The following HDHD5 variants were observed in gnomAD, a reference collection of about 807,000 sequenced individuals.
HDHD5 encodes the protein haloacid dehalogenase-like hydrolase domain-containing 5.
In HDHD5, 34 loss-of-function variants were observed where a neutral mutation model predicts 35.5. The ratio of observed to expected loss-of-function variants is 0.96; its 90% CI spans 0.73 to 1.28. The LOEUF is 1.28. HDHD5 is among the 50% of genes most tolerant of loss of function. The pLI, the probability that HDHD5 is intolerant of heterozygous loss-of-function variation, is 0.00. For synonymous variants in HDHD5, 248 were observed against 240.6 expected, an observed-to-expected ratio of 1.03 and a Z score of -0.29; for missense variants, 589 against 560.2, an observed-to-expected ratio of 1.05 and a Z score of -0.52.
chr22:17,150,344 T>C (rs558156466), intron 1 of HDHD5, among the ~76,000 whole-genome samples: 1 of 152,282 alleles, frequency 6.6e-6, no homozygotes, highest in South Asian at 2.1e-4. Flanking sequence ...ACAGACAATA[T>C]AAAAATGTTT....
chr22:17,148,478 C>G lies in HDHD5; in HGVS notation c.413G>C (p.Gly138Ala). The part of the protein sequence containing the change: ...EYHEKRMLVS[G>A]QGPVMENAQG... Reference sequence around the variant, plus strand: ...GGCATTTTCCATCACGGGCCCCTGTCCAGACACCAGCATCCGCTTCTCATG... The same window carrying G: ...GGCATTTTCCATCACGGGCCCCTGTGCAGACACCAGCATCCGCTTCTCATG... Residue 138 changes from glycine (G) to alanine (A), a missense_variant, in exon 3 of 8, where the codon GGA becomes GCA. Gly to Ala is a moderately conservative substitution (Grantham distance 60). Transcript: ENST00000336737. The G allele has an allele frequency of 6.2e-7, 1 of 1,614,160 alleles. No homozygotes were observed. Among genetic ancestry groups the G allele is most frequent in the Non-Finnish European group, 8.5e-7 (1 of 1,180,028 alleles).
At chr22:17,162,767 TC>T (rs2061871529), upstream of HDHD5, among the ~76,000 whole-genome samples, 2 of 152,234 alleles carry the variant, frequency 1.3e-5, no homozygotes, top group Non-Finnish European at 2.9e-5. Flanking sequence ...AGTTTGCACT[TC>T]CAGGAACAAG....
rs1207860792 is a variant in HDHD5 at position 17,156,558 on chromosome 22, C to T, written c.126+2568G>A. On this transcript the variant is annotated intron_variant, in intron 1 of 7. Transcript: ENST00000336737. ...TTGCAAGGCCAAGGAGGGCAGATCA[C>T]GAGGTTAGGAGATCGAGACCATCTT... Among the ~76,000 whole-genome samples, 5 of 152,108 alleles carry T rather than the reference C, an allele frequency of 3.3e-5. No homozygotes were observed. In the East Asian group the frequency reaches 5.8e-4, roughly 18 times the overall value.
upstream of HDHD5, among the ~76,000 whole-genome samples, chr22:17,163,421 G>T (rs1406029861): frequency 6.6e-6 from 1 of 152,122 alleles, no homozygotes; most frequent in Non-Finnish European, 1.5e-5. Context: ...AGCTCCCCAG[G>T]ATGCTCATGC....
intron 6 of HDHD5, among the ~76,000 whole-genome samples, chr22:17,138,946 A>G (rs1320785335): frequency 2.0e-5 from 3 of 152,184 alleles, no homozygotes; most frequent in Non-Finnish European, 2.9e-5. Context: ...CTATTTGTAA[A>G]ACGAGGAAAC....
intron 1 of HDHD5, among the ~76,000 whole-genome samples, chr22:17,150,134 C>G (rs1366262479): frequency 6.6e-6 from 1 of 152,072 alleles, no homozygotes; most frequent in African/African-American, 2.4e-5. Context: ...CACTTTAAAA[C>G]AACCAATTAA....
At chr22:17,140,986 C>T in intron 6 of HDHD5, 73 bp downstream of exon 6, 1 of 1,392,378 alleles carries the variant, frequency 7.2e-7, no homozygotes, top group East Asian at 2.7e-5. Context: ...CGGATGGGAA[C>T]TGCCTGCAGG....
chr22:17,152,287 C>G (rs2061735295), intron 1 of HDHD5, among the ~76,000 whole-genome samples: 1 of 33,452 alleles, frequency 3.0e-5, no homozygotes, highest in African/African-American at 1.9e-4. Context: ...AGGGAGTTAA[C>G]TGAAAGACCA....
chr22:17,157,085 T>TACACATACACACACACACACAC (rs1555881522), intron 1 of HDHD5, among the ~76,000 whole-genome samples: 1 of 143,680 alleles, frequency 7.0e-6, no homozygotes, highest in Non-Finnish European at 1.5e-5. Context: ...CTCACACACA[T>TACACATACACACACACACACAC]ACACACACAC....
intron 1 of HDHD5, among the ~76,000 whole-genome samples, chr22:17,158,108 G>A (rs1005140058): frequency 6.6e-6 from 1 of 152,166 alleles, no homozygotes; most frequent in South Asian, 2.1e-4. Context: ...ATCATCTGAG[G>A]TCAAAAGTTC....
At chr22:17,138,497 AG>A (rs2123843383) in intron 7 of HDHD5, 52 bp downstream of exon 7, 1 of 1,575,978 alleles carries the variant, frequency 6.3e-7, no homozygotes, top group South Asian at 1.1e-5. Flanking sequence ...GTAGAGGAGG[AG>A]GGAGAGAAGG....
At position 17,152,322 on chromosome 22, in the gene HDHD5, C is replaced by G. The variant is rs535101508; in HGVS notation, c.127-2577G>C. On this transcript the variant is annotated intron_variant, in intron 1 of 7. Coordinates refer to ENST00000336737, the MANE Select transcript of HDHD5 (RefSeq NM_033070.3). Reference sequence around the variant, plus strand: ...AGGTGGGACCAAATGCAACCCAAGACAGAGAAGATGGAGCATTTACCTGGG... The same window carrying G: ...AGGTGGGACCAAATGCAACCCAAGAGAGAGAAGATGGAGCATTTACCTGGG... Among the ~76,000 whole-genome samples the G allele has an allele frequency of 1.8e-4, 28 of 152,180 alleles. No homozygotes were observed. The South Asian group carries it at 5.6e-3, about 30-fold the overall frequency.
intron 2 of HDHD5, 23 bp from the exon 3 acceptor site, chr22:17,148,583 G>T: frequency 6.5e-7 from 1 of 1,531,642 alleles, no homozygotes; most frequent in Non-Finnish European, 9.1e-7. Flanking sequence ...CCAAGACAGG[G>T]GAGGGCAGAG....
chr22:17,158,185 G>A (rs1389706932), intron 1 of HDHD5, among the ~76,000 whole-genome samples: 2 of 152,172 alleles, frequency 1.3e-5, no homozygotes, highest in Non-Finnish European at 2.9e-5. Context: ...GCCGGATGTG[G>A]TGGCGGGTGC....
chr22:17,146,329 A>G (rs1034592724), intron 3 of HDHD5, among the ~76,000 whole-genome samples: 187 of 136,840 alleles, frequency 1.4e-3, no homozygotes, highest in Middle Eastern at 5.0e-3. Context: ...ACCGGCCTTC[A>G]ATCACATGCC....
Position 17,150,614 on chromosome 22 carries a change from G to A in HDHD5, c.127-869C>T, listed in dbSNP as rs147821992. On this transcript the variant is annotated intron_variant, in intron 1 of 7. Transcript: ENST00000336737. Reference sequence around the variant, plus strand: ...GCTCACCGCAACCTCTGCCTCCCACGTTCAAGTGATTCTTCTGCCTCACTC... The same window carrying A: ...GCTCACCGCAACCTCTGCCTCCCACATTCAAGTGATTCTTCTGCCTCACTC... 2.7e-3 allele frequency among the ~76,000 whole-genome samples: 404 copies of A among 150,900 alleles called. 2 individuals are homozygous for A. The highest frequency in any genetic ancestry group is 9.3e-3 in the African/African-American group (381 of 41,020).
At chr22:17,155,231 C>CA (rs1555881187) in intron 1 of HDHD5, among the ~76,000 whole-genome samples, 3 of 133,256 alleles carry the variant, frequency 2.3e-5, no homozygotes, top group Non-Finnish European at 4.9e-5. Flanking sequence ...ATTTGCTTTC[C>CA]TTTTTTTTTT....
At chr22:17,157,047 C>A (rs1205383964) in intron 1 of HDHD5, among the ~76,000 whole-genome samples, 1 of 148,726 alleles carries the variant, frequency 6.7e-6, no homozygotes, top group Non-Finnish European at 1.5e-5. Context: ...CACTGCACTC[C>A]AGCCCGGGCA....
At position 17,137,884 on chromosome 22, in the gene HDHD5, A is replaced by C; in HGVS notation, c.*137T>G. On this transcript the variant is annotated 3_prime_UTR_variant, in exon 8 of 8. Coordinates refer to ENST00000336737, the MANE Select transcript of HDHD5 (RefSeq NM_033070.3). ...ACTGTCTTCTTCCAAGTGACCAGTA[A>C]TGCCACACTCATGGGGCAGCAAGAA... 1.5e-6 allele frequency: 1 copy of C among 654,222 alleles called. No individual in the cohort carries two copies. Among genetic ancestry groups the C allele is most frequent in the Non-Finnish European group, 2.6e-6 (1 of 381,708 alleles). 40.5% of individuals were successfully genotyped at this position (654,222 alleles called of 1,614,324 possible). A position where few individuals can be genotyped will look rare whatever the true frequency, so the allele number is the denominator to read the frequency against.
Sources: gnomAD v4.1 joint callset for allele counts (sites outside exome capture counted in the v4.1 genomes callset) on GRCh38, gnomAD v4.1.1 for gene constraint, MANE v1.5 for transcripts, NCBI Gene and HGNC (gene_info 2026-07-23, HGNC 2026-07-21) for gene names.